The following PPM1F variants were observed in gnomAD, a reference collection of about 807,000 sequenced individuals.
PPM1F encodes the protein protein phosphatase, Mg2+/Mn2+ dependent 1F.
A neutral mutation model predicts 35.5 loss-of-function variants in PPM1F; 17 were observed. That is an observed-to-expected ratio of 0.48 (90% CI 0.33 to 0.72). The LOEUF is 0.72. Ranked by LOEUF, PPM1F falls within the 30% of genes least tolerant of loss-of-function variation. The pLI, the probability that PPM1F is intolerant of heterozygous loss-of-function variation, is 0.02. For synonymous variants in PPM1F, 241 were observed against 255.5 expected (o/e 0.94, Z 0.54); for missense variants, 521 against 613.0 (o/e 0.85, Z 1.59).
chr22:21,931,113 G>A (rs1464390857), intron 6 of PPM1F, 35 bp downstream of exon 6: 1 of 1,611,774 alleles, frequency 6.2e-7, no homozygotes, highest in Admixed American at 1.7e-5. Flanking sequence ...TGGAGGCCAG[G>A]AATATCCTGG....
In PPM1F at chr22:21,951,075, T is replaced by G. The variant is rs575473414; in HGVS notation, c.-61+1717A>C. ...CACACTATGTATCCTTTTAACCATT[T>G]CTAAGCGTACAGTTCCATGGCATTA... On this transcript the variant is annotated intron_variant, in intron 1 of 7. Coordinates refer to ENST00000263212, the MANE Select transcript of PPM1F (RefSeq NM_014634.4). 2.0e-5 allele frequency: 3 copies of G among 152,328 alleles called. No homozygotes were observed. The South Asian group carries it at 6.2e-4, about 32-fold the overall frequency. 9.4% of individuals were successfully genotyped at this position (152,328 alleles called of 1,614,324 possible). A position where few individuals can be genotyped will look rare whatever the true frequency, so the allele number is the denominator to read the frequency against.
chr22:21,938,157 C>G (rs1417296864), intron 3 of PPM1F: 5 of 1,303,006 alleles, frequency 3.8e-6, no homozygotes, highest in South Asian at 1.2e-5. Flanking sequence ...GCAGGAGCCC[C>G]GAGCGTAGGA....
chr22:21,923,635 C>G (rs568793241), intron 7 of PPM1F, among the ~76,000 whole-genome samples, 164 bp from the exon 8 acceptor site: 1 of 152,276 alleles, frequency 6.6e-6, no homozygotes, highest in South Asian at 2.1e-4. Context: ...GTACTTCCCA[C>G]TTGCCTGGGA....
Position 21,939,526 on chromosome 22 carries a change from A to G in PPM1F, c.355+6T>C. Reference sequence around the variant, plus strand: ...CTGGGGCCACCTCAGAAGAAACAGAACTCACAGGTCACAGGGGCCTTTTCC... The same window carrying G: ...CTGGGGCCACCTCAGAAGAAACAGAGCTCACAGGTCACAGGGGCCTTTTCC... On this transcript the variant is annotated splice_donor_region_variant and intron_variant, in intron 3 of 7. Transcript: ENST00000263212. The surrounding 1 kb of genome is among the most constrained non-coding windows in gnomAD (Gnocchi z 5.1). 2.5e-6 allele frequency: 4 copies of G among 1,602,598 alleles called. No individual in the cohort carries two copies. Among genetic ancestry groups the G allele is most frequent in the Non-Finnish European group, 3.4e-6 (4 of 1,173,900 alleles).
At position 21,923,267 on chromosome 22, in the gene PPM1F, G is replaced by C; in HGVS notation, c.1190C>G (p.Ala397Gly). ...GTTGTCGTGGGAGCCCCGCTCCCGG[G>C]CCGCAGCCACCAGCTCCTCGGCGAC... ...LRVAEELVAA[A>G]RERGSHDNIT... Residue 397 changes from alanine (A) to glycine (G), a missense_variant, in exon 8 of 8, where the codon GCC becomes GGC. By Grantham distance (60) the Ala-to-Gly change is moderately conservative (BLOSUM62 0). Around this residue, in one of 3 missense-constraint regions of PPM1F, gnomAD observed 163 missense variants for 169.6 expected, o/e 0.96. Transcript: ENST00000263212. 1 of 1,613,408 alleles carries C rather than the reference G, an allele frequency of 6.2e-7. No individual in the cohort carries two copies. Among genetic ancestry groups the C allele is most frequent in the Non-Finnish European group, 8.5e-7 (1 of 1,179,962 alleles).
In PPM1F at chr22:21,939,870, C is replaced by A. The variant is rs1032783757; in HGVS notation, c.207-190G>T. Reference sequence around the variant, plus strand: ...CACAACCATCTGGTGGGGAGCTGGACCATACTTGAGCCTGCGGCTAGTTGG... The same window carrying A: ...CACAACCATCTGGTGGGGAGCTGGAACATACTTGAGCCTGCGGCTAGTTGG... On this transcript the variant is annotated intron_variant, in intron 2 of 7. Transcript: ENST00000263212. The surrounding 1 kb of genome is among the most constrained non-coding windows in gnomAD (Gnocchi z 5.1). Among the ~76,000 whole-genome samples the A allele has an allele frequency of 6.6e-6, 1 of 152,192 alleles. No individual in the cohort carries two copies. The highest frequency in any genetic ancestry group is 6.5e-5 in the Admixed American group (1 of 15,286).
chr22:21,931,797 C>T lies in PPM1F; in HGVS notation c.748-506G>A, dbSNP rs112550055. Among the ~76,000 whole-genome samples, 20 of 151,792 alleles carry T rather than the reference C, an allele frequency of 1.3e-4. 1 individual carries two copies. The highest frequency in any genetic ancestry group is 3.9e-4 in the African/African-American group (16 of 41,336). ...CCTCCCAAAGTGCTAGGATTACAGGCGTGAGTCACTGCGCCTGGCTATTTA... is the reference window on the plus strand; with the variant it reads ...CCTCCCAAAGTGCTAGGATTACAGGTGTGAGTCACTGCGCCTGGCTATTTA... On this transcript the variant is annotated intron_variant, in intron 5 of 7. Coordinates refer to ENST00000263212, the MANE Select transcript of PPM1F (RefSeq NM_014634.4).
intron 2 of PPM1F, chr22:21,944,107 T>C (rs1314572988): frequency 1.7e-5 from 2 of 118,056 alleles, no homozygotes; most frequent in African/African-American, 6.4e-5. Flanking sequence ...CTCCCGTGCA[T>C]TGGCACCCCT....
At chr22:21,941,711 G>A (rs2070727418) in intron 2 of PPM1F, 1 of 152,316 alleles carries the variant, frequency 6.6e-6, no homozygotes, top group Non-Finnish European at 1.5e-5. Context: ...AAGTGAGATT[G>A]GGTCACTGCT....
rs533213113 is a variant in PPM1F at position 21,925,471 on chromosome 22, C to A, written c.985+98G>T. The A allele has an allele frequency of 2.9e-4, 283 of 988,398 alleles. 1 individual carries two copies. In the African/African-American group the frequency reaches 4.0e-3, roughly 14 times the overall value. 61.2% of individuals were successfully genotyped at this position (988,398 alleles called of 1,614,324 possible). A position where few individuals can be genotyped will look rare whatever the true frequency, so the allele number is the denominator to read the frequency against. On this transcript the variant is annotated intron_variant, in intron 7 of 7. Transcript: ENST00000263212. ...ATGACAAATCCCCCTCGGCCCATCA[C>A]ACTGCCTCCCTGAACCCCTGGTGAG... is the stretch of plus-strand genomic sequence containing the variant.
At chr22:21,933,958 T>TG in intron 4 of PPM1F, 66 bp downstream of exon 4, 1 of 1,458,060 alleles carries the variant, frequency 6.9e-7, no homozygotes, top group Non-Finnish European at 9.2e-7. Flanking sequence ...TCTCGGTACC[T>TG]GGGGGGCCCC....
intron 3 of PPM1F, 30 bp from the exon 4 acceptor site, chr22:21,934,256 G>T (rs566945450): frequency 2.0e-6 from 3 of 1,533,988 alleles, no homozygotes; most frequent in Non-Finnish European, 2.7e-6. Context: ...GATTGTCAGG[G>T]AAGTGCCAAC....
Position 21,922,973 on chromosome 22 carries a change from G to C in PPM1F, c.*119C>G. The C allele has an allele frequency of 7.4e-7, 1 of 1,348,726 alleles. No individual in the cohort carries two copies. The highest frequency in any genetic ancestry group is 1.0e-6 in the Non-Finnish European group (1 of 986,888). 83.5% of individuals were successfully genotyped at this position (1,348,726 alleles called of 1,614,324 possible). ...TGTCCCGACTGGCTCTGGGGTGCTGGGGAAAGCACTGTGGGGCGGGCACCC... is the reference window on the plus strand; with the variant it reads ...TGTCCCGACTGGCTCTGGGGTGCTGCGGAAAGCACTGTGGGGCGGGCACCC... On this transcript the variant is annotated 3_prime_UTR_variant, in exon 8 of 8. Coordinates refer to ENST00000263212, the MANE Select transcript of PPM1F (RefSeq NM_014634.4).
At chr22:21,941,898 A>G (rs901549181) in intron 2 of PPM1F, 1 of 152,344 alleles carries the variant, frequency 6.6e-6, no homozygotes, top group Non-Finnish European at 1.5e-5. Context: ...TGTGGCTGAG[A>G]AGGAGGGCAG....
intron 5 of PPM1F, 79 bp from the exon 6 acceptor site, chr22:21,931,370 CG>C: frequency 7.2e-7 from 1 of 1,380,446 alleles, no homozygotes; most frequent in Non-Finnish European, 9.9e-7. Context: ...ATGAAGCTTC[CG>C]GGGGTGATGA....
Position 21,923,295 on chromosome 22 carries a change from G to A in PPM1F, c.1162C>T (p.Arg388Cys), listed in dbSNP as rs541801402. 2.3e-5 allele frequency: 37 copies of A among 1,613,454 alleles called. No individual in the cohort carries two copies. The highest frequency in any genetic ancestry group is 8.9e-5 in the East Asian group (4 of 44,882). Reference sequence around the variant, plus strand: ...GCAGCCACCAGCTCCTCGGCGACACGGAGCCCGCTGCCCTGCTGCCTGGTC... The same window carrying A: ...GCAGCCACCAGCTCCTCGGCGACACAGAGCCCGCTGCCCTGCTGCCTGGTC... ...HLTRQQGSGL[R>C]VAEELVAAAR... is the part of the protein sequence containing the mutation. Residue 388 changes from arginine to cysteine, a missense_variant, in exon 8 of 8, where the codon CGT becomes TGT. Around this residue, in one of 3 missense-constraint regions of PPM1F, gnomAD observed 163 missense variants for 169.6 expected, o/e 0.96. Transcript: ENST00000263212.
chr22:21,925,450 C>A (rs1245529448), intron 7 of PPM1F, 119 bp downstream of exon 7: 3 of 785,850 alleles, frequency 3.8e-6, no homozygotes, highest in Non-Finnish European at 6.5e-6. Flanking sequence ...CAGTGCATGA[C>A]AAATCCCCCT....
chr22:21,946,371 G>A (rs900698258), intron 1 of PPM1F: 1 of 239,248 alleles, frequency 4.2e-6, no homozygotes, highest in African/African-American at 2.3e-5. Flanking sequence ...GACTGTTCCT[G>A]GCAGAGGGTG....
intron 5 of PPM1F, among the ~76,000 whole-genome samples, chr22:21,932,101 A>G (rs914137382): frequency 6.6e-6 from 1 of 151,912 alleles, no homozygotes; most frequent in South Asian, 2.1e-4. Context: ...TACAGGCATG[A>G]GCCACCGCGC....
Sources: allele counts gnomAD v4.1 joint callset (sites outside exome capture counted in the v4.1 genomes callset), GRCh38; gene constraint gnomAD v4.1.1; regional missense constraint gnomAD v4.1.1; non-coding constraint Gnocchi (gnomAD v3.1); transcripts MANE v1.5; gene names NCBI Gene and HGNC (gene_info 2026-07-23, HGNC 2026-07-21).